Variants in USP10 observed in about 807,000 individuals in gnomAD.
The protein encoded by USP10 is ubiquitin specific peptidase 10, also known as ubiquitin carboxyl-terminal hydrolase 10.
In USP10, 22 loss-of-function variants were observed where a neutral mutation model predicts 84.5. The observed-to-expected ratio is 0.26, with a 90% CI of 0.19 to 0.37. The LOEUF is 0.37. Among genes scored for constraint, USP10 ranks in the 10% least tolerant of loss-of-function variants. The probability of loss-of-function intolerance (pLI) is 1.00; values close to 1 mark genes in which losing one functional copy is unlikely to be tolerated. For missense variants in USP10, 1,019 were observed against 998.9 expected (o/e 1.02, Z -0.27); for synonymous variants, 454 against 387.6 (o/e 1.17, Z -2.01).
intron 11 of USP10, among the ~76,000 whole-genome samples, chr16:84,772,082 C>T (rs541012011): frequency 2.3e-4 from 35 of 152,114 alleles, no homozygotes; most frequent in South Asian, 1.5e-3. Context: ...GACAAGATCT[C>T]GCTGTGTTGC....
At chr16:84,737,771 A>C (rs1910119826) in intron 2 of USP10, among the ~76,000 whole-genome samples, 1 of 152,192 alleles carries the variant, frequency 6.6e-6, no homozygotes, top group Admixed American at 6.5e-5. Context: ...TCAGAGGGCC[A>C]CAGTAACAGG....
chr16:84,701,956 A>ATTTTTT (rs1904925711), intron 1 of USP10, among the ~76,000 whole-genome samples: 1 of 54,746 alleles, frequency 1.8e-5, no homozygotes, highest in African/African-American at 6.4e-5. Context: ...TTTTTTTTTG[A>ATTTTTT]GTTGGAATTT....
chr16:84,714,149 C>T (rs2150767086), intron 1 of USP10, among the ~76,000 whole-genome samples: 1 of 152,216 alleles, frequency 6.6e-6, no homozygotes, highest in African/African-American at 2.4e-5. Context: ...TTGCAGAGAC[C>T]CAGTTGAGAA....
At chr16:84,728,073 C>CTTT (rs1275324550) in intron 1 of USP10, among the ~76,000 whole-genome samples, 8 of 152,194 alleles carry the variant, frequency 5.3e-5, no homozygotes, top group South Asian at 2.1e-4. Flanking sequence ...CTCCTCCCCT[C>CTTT]TTTTGATAAC....
chr16:84,741,916 G>C (rs901307564), intron 3 of USP10, among the ~76,000 whole-genome samples: 1 of 152,192 alleles, frequency 6.6e-6, no homozygotes, highest in African/African-American at 2.4e-5. Flanking sequence ...GTAGTATCTG[G>C]AATGTTGTAA....
At chr16:84,769,481 G>C (rs1411187536) in intron 11 of USP10, among the ~76,000 whole-genome samples, 2 of 152,208 alleles carry the variant, frequency 1.3e-5, no homozygotes, top group African/African-American at 4.8e-5. Flanking sequence ...GTTGACTTCA[G>C]TGAATGAGCT....
intron 4 of USP10, among the ~76,000 whole-genome samples, chr16:84,747,757 G>A (rs1042608507): frequency 1.1e-4 from 16 of 151,514 alleles, no homozygotes; most frequent in Non-Finnish European, 2.1e-4. Flanking sequence ...AGTAGAAATG[G>A]GGTTTCACCA....
chr16:84,749,042 A>G (rs1911586561), intron 4 of USP10, among the ~76,000 whole-genome samples: 1 of 152,214 alleles, frequency 6.6e-6, no homozygotes, highest in Non-Finnish European at 1.5e-5. Context: ...TGAGGCTTCG[A>G]TAGACAGAAC....
At chr16:84,724,689 A>C (rs369455508) in intron 1 of USP10, among the ~76,000 whole-genome samples, 4 of 152,286 alleles carry the variant, frequency 2.6e-5, no homozygotes, top group African/African-American at 9.6e-5. Context: ...GTTGGCTTGC[A>C]CTGTAATAAA....
intron 3 of USP10, among the ~76,000 whole-genome samples, chr16:84,742,245 C>T (rs987977982): frequency 1.3e-5 from 2 of 152,218 alleles, no homozygotes; most frequent in African/African-American, 2.4e-5. Flanking sequence ...GATACCACTC[C>T]TTCACCCTGC....
intron 2 of USP10, among the ~76,000 whole-genome samples, chr16:84,739,797 G>A (rs1910409971): frequency 6.6e-6 from 1 of 152,224 alleles, no homozygotes; most frequent in Non-Finnish European, 1.5e-5. Context: ...GTGTTAAAAA[G>A]GGAGCTGCAG....
chr16:84,749,979 A>T (rs1201426621), intron 4 of USP10, among the ~76,000 whole-genome samples: 4 of 152,124 alleles, frequency 2.6e-5, no homozygotes, highest in Admixed American at 2.6e-4. Flanking sequence ...ATACTCAGTG[A>T]TTTCCTTTAG....
intron 10 of USP10, among the ~76,000 whole-genome samples, chr16:84,766,282 C>T (rs879619403): frequency 6.6e-6 from 1 of 152,238 alleles, no homozygotes. Context: ...CTTCTGTGTT[C>T]TGCACTGTGA....
At chr16:84,724,174 A>G (rs1908163197) in intron 1 of USP10, among the ~76,000 whole-genome samples, 1 of 152,238 alleles carries the variant, frequency 6.6e-6, no homozygotes. Flanking sequence ...GTTAAGAGCA[A>G]AGCGAGTTAA....
At chr16:84,768,944 G>T (rs906087940) in intron 11 of USP10, among the ~76,000 whole-genome samples, 3 of 152,210 alleles carry the variant, frequency 2.0e-5, no homozygotes, top group Non-Finnish European at 2.9e-5. Context: ...TGTCAACTCA[G>T]TTGGGCGAGA....
At chr16:84,765,291 C>G (rs1913728226) in intron 10 of USP10, among the ~76,000 whole-genome samples, 1 of 151,546 alleles carries the variant, frequency 6.6e-6, no homozygotes, top group Non-Finnish European at 1.5e-5. Flanking sequence ...AGAGCAGCTG[C>G]AGTTTTACTC....
intron 12 of USP10, among the ~76,000 whole-genome samples, chr16:84,774,325 A>G (rs892331806): frequency 2.6e-5 from 4 of 152,128 alleles, no homozygotes; most frequent in African/African-American, 7.2e-5. Flanking sequence ...GCTGCCTCGA[A>G]CAGCATGCCT....
At chr16:84,733,081 G>T (rs1280501514) in intron 1 of USP10, 1 of 462,844 alleles carries the variant, frequency 2.2e-6, no homozygotes, top group Non-Finnish European at 4.3e-6. Flanking sequence ...CGGAAATGGA[G>T]GTAGTGGCAT....
chr16:84,723,180 C>T (rs1908036570), intron 1 of USP10, among the ~76,000 whole-genome samples: 2 of 150,018 alleles, frequency 1.3e-5, no homozygotes, highest in Non-Finnish European at 3.0e-5. Context: ...CCCCCTTATA[C>T]ACTTAAGATT....
Sources: allele counts gnomAD v4.1 joint callset (sites outside exome capture counted in the v4.1 genomes callset), GRCh38; gene constraint gnomAD v4.1.1; transcripts MANE v1.5; gene names NCBI Gene and HGNC (gene_info 2026-07-23, HGNC 2026-07-21).